MAGI2: variants seen among roughly 807,000 people sequenced by gnomAD.
MAGI2 encodes the protein membrane-associated guanylate kinase, WW and PDZ domain-containing protein 2.
In MAGI2, 35 loss-of-function variants were observed where a neutral mutation model predicts 133.3. The observed-to-expected ratio is 0.26, with a 90% CI of 0.20 to 0.35. MAGI2 has a LOEUF of 0.35. MAGI2 is among the 10% of genes least tolerant of loss of function. MAGI2 has a pLI of 1.00. For synonymous variants in MAGI2, 729 were observed against 710.6 expected, an observed-to-expected ratio of 1.03 and a Z score of -0.41; for missense variants, 1,636 against 1,863.4, an observed-to-expected ratio of 0.88 and a Z score of 2.25.
At chr7:79,271,398 T>C (rs1834865494) in intron 1 of MAGI2, among the ~76,000 whole-genome samples, 1 of 152,224 alleles carries the variant, frequency 6.6e-6, no homozygotes, top group African/African-American at 2.4e-5. Context: ...TGGTGGGTAA[T>C]GGACTTAAGC....
intron 2 of MAGI2, among the ~76,000 whole-genome samples, chr7:78,699,207 TCAAA>T (rs1286686537): frequency 1.3e-5 from 2 of 152,162 alleles, no homozygotes; most frequent in East Asian, 3.9e-4. Flanking sequence ...CCTTGCGGGC[TCAAA>T]CAATCCTCCC....
chr7:79,012,790 A>AGGTGGCTTCAGCAACTT (rs55720373), intron 1 of MAGI2, among the ~76,000 whole-genome samples: 1 of 152,128 alleles, frequency 6.6e-6, no homozygotes, highest in Non-Finnish European at 1.5e-5. Context: ...ACCATAGATT[A>AGGTGGCTTCAGCAACTT]ATCTGTATTT....
At chr7:78,461,883 C>A (rs1373284094) in intron 6 of MAGI2, among the ~76,000 whole-genome samples, 1 of 115,702 alleles carries the variant, frequency 8.6e-6, no homozygotes. Flanking sequence ...TGCACTCTAG[C>A]CGGGGCAACA....
At chr7:78,486,872 T>C in intron 6 of MAGI2, 3 of 506,922 alleles carry the variant, frequency 5.9e-6, no homozygotes, top group South Asian at 2.9e-5. Flanking sequence ...GGTGGCACAA[T>C]TGCCTGACAG....
At chr7:78,806,506 A>G (rs771851594) in intron 2 of MAGI2, among the ~76,000 whole-genome samples, 8 of 152,138 alleles carry the variant, frequency 5.3e-5, no homozygotes, top group Non-Finnish European at 8.8e-5. Flanking sequence ...AGAGAATCAC[A>G]TGATATTATA....
chr7:78,461,755 C>T (rs1330377197), intron 6 of MAGI2, among the ~76,000 whole-genome samples: 6 of 150,936 alleles, frequency 4.0e-5, no homozygotes, highest in Non-Finnish European at 5.9e-5. Context: ...CTACTAAAAA[C>T]ACAAAATTAG....
At chr7:78,200,969 T>C (rs1386186516) in intron 11 of MAGI2, among the ~76,000 whole-genome samples, 193 bp downstream of exon 11, 3 of 152,168 alleles carry the variant, frequency 2.0e-5, no homozygotes, top group African/African-American at 4.8e-5. Context: ...ATTGTTTTTA[T>C]AGGAAGGTAA....
chr7:78,120,652 T>C (rs1820350806), intron 20 of MAGI2, among the ~76,000 whole-genome samples: 1 of 152,096 alleles, frequency 6.6e-6, no homozygotes, highest in Non-Finnish European at 1.5e-5. Flanking sequence ...TTTAATTTAT[T>C]ATAGAGCTGT....
intron 1 of MAGI2, among the ~76,000 whole-genome samples, chr7:79,440,212 A>G (rs528655684): frequency 6.6e-6 from 1 of 150,542 alleles, no homozygotes; most frequent in South Asian, 2.1e-4. Flanking sequence ...GGAGAGTCTT[A>G]TAAGTTAATG....
chr7:79,345,032 CTATTTAATACATATTGTTA>C (rs1271789803), intron 1 of MAGI2, among the ~76,000 whole-genome samples: 1 of 152,038 alleles, frequency 6.6e-6, no homozygotes, highest in African/African-American at 2.4e-5. Context: ...CCATATCCAT[CTATTTAATACATATTGTTA>C]TGGGTTGAAT....
chr7:79,151,810 A>G (rs967271864), intron 1 of MAGI2, among the ~76,000 whole-genome samples: 5 of 152,192 alleles, frequency 3.3e-5, no homozygotes, highest in Non-Finnish European at 5.9e-5. Flanking sequence ...TATAAAAATG[A>G]AAACTACTTC....
chr7:78,227,883 T>TGTGTGTGTGTGTGTGTGTGTGTGTGTG (rs1563292086), intron 10 of MAGI2, among the ~76,000 whole-genome samples: 1 of 149,212 alleles, frequency 6.7e-6, no homozygotes. Context: ...TGTGTGTGTG[T>TGTGTGTGTGTGTGTGTGTGTGTGTGTG]TTTAAACCCT....
intron 2 of MAGI2, among the ~76,000 whole-genome samples, chr7:78,819,598 T>C (rs1381007089): frequency 6.6e-6 from 1 of 152,014 alleles, no homozygotes; most frequent in East Asian, 1.9e-4. Flanking sequence ...TGTGTCTGTA[T>C]TAGAGAGAGA....
At chr7:79,447,858 AT>A (rs1454596152) in intron 1 of MAGI2, among the ~76,000 whole-genome samples, 1 of 151,876 alleles carries the variant, frequency 6.6e-6, no homozygotes, top group African/African-American at 2.4e-5. Flanking sequence ...TTTCCTCTTT[AT>A]TATACATTGT....
chr7:79,043,327 G>A lies in MAGI2; in HGVS notation c.302-36121C>T, dbSNP rs539927246. ...TGGGAGGCTGAGGTGGGTGGATCAC[G>A]AGGTCAGGGGTTTGAGAACAGCCTG... On this transcript the variant is annotated intron_variant, in intron 1 of 21. Coordinates refer to ENST00000354212, the MANE Select transcript of MAGI2 (RefSeq NM_012301.4). Among the ~76,000 whole-genome samples, 5 of 151,688 alleles carry A rather than the reference G, an allele frequency of 3.3e-5. No homozygotes were observed. The East Asian group carries it at 9.8e-4, about 30-fold the overall frequency.
chr7:78,821,262 T>C (rs1359418437), intron 2 of MAGI2, among the ~76,000 whole-genome samples: 1 of 152,060 alleles, frequency 6.6e-6, no homozygotes, highest in Admixed American at 6.5e-5. Context: ...CATACATGCC[T>C]ACTATGTGCC....
intron 2 of MAGI2, among the ~76,000 whole-genome samples, chr7:78,977,493 AAGAAAGAAAGAAAGAAAG>A (rs1385862335): frequency 6.7e-5 from 2 of 29,898 alleles, no homozygotes; most frequent in Non-Finnish European, 2.0e-4. Context: ...GAAAGAAAGA[AAGAAAGAAAGAAAGAAAG>A]AAAGAAAGAA....
intron 9 of MAGI2, among the ~76,000 whole-genome samples, chr7:78,298,799 C>T (rs1416367914): frequency 6.7e-6 from 1 of 150,022 alleles, no homozygotes; most frequent in African/African-American, 2.5e-5. Context: ...GCCACCACAC[C>T]TGGCCTAAAC....
At chr7:78,657,294 A>G (rs1389274488) in intron 2 of MAGI2, among the ~76,000 whole-genome samples, 1 of 152,204 alleles carries the variant, frequency 6.6e-6, no homozygotes, top group African/African-American at 2.4e-5. Flanking sequence ...ACGTACTCTT[A>G]GCATGTGATC....
Sources: allele counts gnomAD v4.1 joint callset (sites outside exome capture counted in the v4.1 genomes callset), GRCh38; gene constraint gnomAD v4.1.1; transcripts MANE v1.5; gene names NCBI Gene and HGNC (gene_info 2026-07-23, HGNC 2026-07-21).